ZNF723: variants seen among roughly 807,000 people sequenced by gnomAD.
The protein encoded by ZNF723 is zinc finger protein 723, pseudogene.
In ZNF723, 5 loss-of-function variants were observed where a neutral mutation model predicts 9.4. The ratio of observed to expected loss-of-function variants is 0.53; its 90% CI spans 0.28 to 1.12. The LOEUF is 1.12. Ranked by LOEUF, ZNF723 falls within the 50% of genes most tolerant of loss-of-function variation. The pLI, the probability that ZNF723 is intolerant of heterozygous loss-of-function variation, is 0.10. For synonymous variants in ZNF723, 158 were observed against 168.8 expected, an observed-to-expected ratio of 0.94 and a Z score of 0.49; for missense variants, 450 against 501.5, an observed-to-expected ratio of 0.90 and a Z score of 0.98.
chr19:22,850,184 T>G (rs138025238), intron 3 of ZNF723, among the ~76,000 whole-genome samples: 334 of 152,228 alleles, frequency 2.2e-3, no homozygotes, highest in African/African-American at 6.5e-3. Flanking sequence ...GGATTGTGTT[T>G]TACATTACTA....
At chr19:22,820,936 G>T in the ZNF723 span, among the ~76,000 whole-genome samples, 52,971 of 152,060 alleles carry the variant, frequency 0.35, 9,366 homozygotes, top group African/African-American at 0.43. Flanking sequence ...TTGAGGCTGT[G>T]AATCTCCCAC....
chr19:22,816,777 C>T, the ZNF723 span, among the ~76,000 whole-genome samples: 1 of 152,374 alleles, frequency 6.6e-6, no homozygotes. Context: ...ACTGTCCTGC[C>T]TGTGTTTTGC....
the ZNF723 span, among the ~76,000 whole-genome samples, chr19:22,815,895 C>T: frequency 6.6e-6 from 1 of 152,230 alleles, no homozygotes; most frequent in Admixed American, 6.5e-5. Flanking sequence ...GACACAAGGA[C>T]AGAGCCCATT....
At chr19:22,816,719 A>G in the ZNF723 span, among the ~76,000 whole-genome samples, 1 of 152,238 alleles carries the variant, frequency 6.6e-6, no homozygotes, top group Non-Finnish European at 1.5e-5. Context: ...GGTTCTGACC[A>G]TAGAGAGAAT....
intron 1 of ZNF723, among the ~76,000 whole-genome samples, chr19:22,835,188 C>T (rs1380791165): frequency 1.3e-5 from 2 of 151,590 alleles, no homozygotes; most frequent in African/African-American, 4.9e-5. Flanking sequence ...TTACAGGCGC[C>T]TGCCACCACA....
upstream of ZNF723, among the ~76,000 whole-genome samples, chr19:22,830,339 A>C (rs1009617454): frequency 6.6e-6 from 1 of 152,106 alleles, no homozygotes; most frequent in African/African-American, 2.4e-5. Context: ...AATTTTTAAA[A>C]ATTGTTTTCA....
chr19:22,853,376 T>G (rs907806693), intron 3 of ZNF723, among the ~76,000 whole-genome samples: 1 of 152,146 alleles, frequency 6.6e-6, no homozygotes, highest in Non-Finnish European at 1.5e-5. Flanking sequence ...TAGTTAAATA[T>G]CATTAAATCT....
intron 1 of ZNF723, among the ~76,000 whole-genome samples, chr19:22,843,793 A>G (rs2145216718): frequency 6.6e-6 from 1 of 152,320 alleles, no homozygotes; most frequent in Non-Finnish European, 1.5e-5. Flanking sequence ...TTATCTTCTA[A>G]TAATTACCCT....
At chr19:22,839,419 A>AT (rs1348246330) in intron 1 of ZNF723, among the ~76,000 whole-genome samples, 2 of 150,972 alleles carry the variant, frequency 1.3e-5, no homozygotes, top group African/African-American at 4.9e-5. Flanking sequence ...CCAGCAGCGT[A>AT]TAAGTACTCC....
In ZNF723 at chr19:22,857,880, C is replaced by T. The variant is rs968376308; in HGVS notation, c.989C>T (p.Thr330Ile). The T allele has an allele frequency of 3.5e-6, 5 of 1,410,082 alleles. No individual in the cohort carries two copies. In the African/African-American group the frequency reaches 7.3e-5, roughly 20 times the overall value. 87.3% of individuals were successfully genotyped at this position (1,410,082 alleles called of 1,614,324 possible). ...KAFNQPSHLA[T>I]HKRIHTGEKL... Reference sequence around the variant, plus strand: ...TTTAACCAGCCCTCACACCTTGCTACACATAAGAGAATTCATACTGGAGAG... The same window carrying T: ...TTTAACCAGCCCTCACACCTTGCTATACATAAGAGAATTCATACTGGAGAG... Residue 330 changes from threonine (T) to isoleucine (I), a missense_variant, in exon 4 of 4, where the codon ACA becomes ATA. Physicochemically the swap from Thr to Ile is moderately conservative, Grantham distance 89. Around this residue, in one of 5 missense-constraint regions of ZNF723, gnomAD observed 237 missense variants for 332.2 expected, o/e 0.71. Coordinates refer to ENST00000600766, the MANE Select transcript of ZNF723 (RefSeq NM_001349726.2).
At chr19:22,821,953 A>G in the ZNF723 span, among the ~76,000 whole-genome samples, 1 of 152,200 alleles carries the variant, frequency 6.6e-6, no homozygotes, top group Non-Finnish European at 1.5e-5. Flanking sequence ...TACTAAAAAT[A>G]CAAAAAATTA....
chr19:22,833,389 G>A (rs1967122549), intron 1 of ZNF723, among the ~76,000 whole-genome samples: 2 of 152,148 alleles, frequency 1.3e-5, no homozygotes, highest in East Asian at 3.9e-4. Flanking sequence ...CTGACCTCGT[G>A]ATCCGCCCGC....
rs553329361 is a variant in ZNF723 at position 22,854,917 on chromosome 19, C to G, written c.227-2201C>G. ...ATGAAAGTTTCCAGGCGTGGTGGCACATGCCTGTAATCCCAGCTACTCTGT... is the reference window on the plus strand; with the variant it reads ...ATGAAAGTTTCCAGGCGTGGTGGCAGATGCCTGTAATCCCAGCTACTCTGT... On this transcript the variant is annotated intron_variant, in intron 3 of 3. Transcript: ENST00000600766. 6.6e-5 allele frequency among the ~76,000 whole-genome samples: 10 copies of G among 152,068 alleles called. No homozygotes were observed. In the South Asian group the frequency reaches 2.1e-3, roughly 32 times the overall value.
chr19:22,822,610 T>G, the ZNF723 span, among the ~76,000 whole-genome samples: 20 of 151,986 alleles, frequency 1.3e-4, no homozygotes, highest in Non-Finnish European at 2.2e-4. Context: ...TGCCTGTAAT[T>G]CCATCAGTTT....
At chr19:22,855,358 A>G (rs1247076784) in intron 3 of ZNF723, among the ~76,000 whole-genome samples, 1 of 151,384 alleles carries the variant, frequency 6.6e-6, no homozygotes, top group African/African-American at 2.4e-5. Flanking sequence ...ACTCCTGAAT[A>G]GCTGGGATTA....
At chr19:22,857,005 G>A in intron 3 of ZNF723, 113 bp from the exon 4 acceptor site, 2 of 499,558 alleles carry the variant, frequency 4.0e-6, no homozygotes, top group East Asian at 3.1e-5. Context: ...ATGGCCTATG[G>A]TATTTTGCTA....
intron 3 of ZNF723, among the ~76,000 whole-genome samples, chr19:22,850,448 C>T (rs1233302781): frequency 2.0e-5 from 3 of 148,450 alleles, no homozygotes; most frequent in East Asian, 2.0e-4. Context: ...ATCAGGTGAT[C>T]GGCCCACGTC....
the ZNF723 span, among the ~76,000 whole-genome samples, chr19:22,823,380 A>T: frequency 1.3e-5 from 2 of 152,224 alleles, no homozygotes; most frequent in Non-Finnish European, 2.9e-5. Flanking sequence ...TGTGACTCTC[A>T]TATGAGGATC....
chr19:22,838,188 C>A (rs377224534), intron 1 of ZNF723, among the ~76,000 whole-genome samples: 1 of 152,316 alleles, frequency 6.6e-6, no homozygotes, highest in African/African-American at 2.4e-5. Flanking sequence ...TCTCCACCCC[C>A]AGGTAGGCCT....
Sources: gnomAD v4.1 joint callset for allele counts (sites outside exome capture counted in the v4.1 genomes callset) on GRCh38, gnomAD v4.1.1 for gene constraint, gnomAD v4.1.1 regional missense constraint, MANE v1.5 for transcripts, NCBI Gene and HGNC (gene_info 2026-07-23, HGNC 2026-07-21) for gene names.